BANK1: variants seen among roughly 807,000 people sequenced by gnomAD.
BANK1 encodes the protein B cell scaffold protein with ankyrin repeats 1, also known as B-cell scaffold protein with ankyrin repeats.
A neutral mutation model predicts 94.5 loss-of-function variants in BANK1; 95 were observed. The observed-to-expected ratio is 1.00, with a 90% CI of 0.85 to 1.19. The LOEUF (loss-of-function observed/expected upper bound fraction) is 1.19, where lower values mean the gene tolerates loss of function less well. Among genes scored for constraint, BANK1 ranks in the 50% most tolerant of loss-of-function variants. BANK1 has a pLI of 0.00. For synonymous variants in BANK1, 334 were observed against 308.4 expected (o/e 1.08, Z -0.87); for missense variants, 987 against 932.2 (o/e 1.06, Z -0.77).
chr4:101,945,053 G>C (rs1483628581), intron 7 of BANK1, among the ~76,000 whole-genome samples: 1 of 152,008 alleles, frequency 6.6e-6, no homozygotes, highest in Non-Finnish European at 1.5e-5. Context: ...GTTTACCCAA[G>C]TGCTTATAAG....
chr4:102,019,798 C>T (rs1294079294), intron 7 of BANK1, among the ~76,000 whole-genome samples: 3 of 150,744 alleles, frequency 2.0e-5, no homozygotes, highest in Admixed American at 6.6e-5. Context: ...AATATTTCTA[C>T]AGAGCATTTT....
intron 2 of BANK1, among the ~76,000 whole-genome samples, chr4:101,843,399 T>C (rs989386610): frequency 1.7e-4 from 26 of 152,356 alleles, no homozygotes; most frequent in African/African-American, 5.8e-4. Context: ...TCAGGCACTT[T>C]CTTCATATTA....
At chr4:102,038,253 C>A (rs1468497534) in intron 10 of BANK1, among the ~76,000 whole-genome samples, 5 of 152,130 alleles carry the variant, frequency 3.3e-5, no homozygotes, top group Admixed American at 3.3e-4. Context: ...CTTCTTGGGA[C>A]AGCAACATTT....
chr4:101,892,171 A>G (rs1578381885), intron 5 of BANK1, among the ~76,000 whole-genome samples: 1 of 150,914 alleles, frequency 6.6e-6, no homozygotes, highest in Non-Finnish European at 1.5e-5. Flanking sequence ...AATTCTGAAT[A>G]TTATTTAAAA....
intron 1 of BANK1, among the ~76,000 whole-genome samples, chr4:101,803,939 A>C (rs942990461): frequency 7.8e-6 from 1 of 128,344 alleles, no homozygotes; most frequent in African/African-American, 2.9e-5. Flanking sequence ...CGGAGCTTGC[A>C]GTGAGCCGAG....
intron 7 of BANK1, among the ~76,000 whole-genome samples, chr4:101,978,709 G>T (rs1379669537): frequency 6.6e-6 from 1 of 151,844 alleles, no homozygotes. Context: ...AAGAATTGTG[G>T]CTTGACCACA....
chr4:102,012,846 G>C (rs1341957033), intron 7 of BANK1, among the ~76,000 whole-genome samples: 1 of 151,824 alleles, frequency 6.6e-6, no homozygotes, highest in Non-Finnish European at 1.5e-5. Flanking sequence ...AAAAAAAATT[G>C]CCTCTTAGTT....
intron 1 of BANK1, among the ~76,000 whole-genome samples, chr4:101,803,953 C>G (rs1316046701): frequency 2.3e-5 from 3 of 131,694 alleles, no homozygotes; most frequent in Non-Finnish European, 4.7e-5. Context: ...AGCCGAGATC[C>G]CGCCACTGCA....
intron 1 of BANK1, among the ~76,000 whole-genome samples, chr4:101,792,255 T>TCCCCCCCCCCCCCCCCC (rs771698917): frequency 3.9e-5 from 5 of 128,658 alleles, no homozygotes; most frequent in Admixed American, 8.1e-5. Context: ...TGCATTCCGC[T>TCCCCCCCCCCCCCCCCC]CCCCCCCCGC....
intron 7 of BANK1, among the ~76,000 whole-genome samples, chr4:101,920,109 A>G (rs1242338900): frequency 1.3e-5 from 2 of 151,948 alleles, no homozygotes; most frequent in African/African-American, 4.8e-5. Flanking sequence ...TGCTCAGCAA[A>G]CTATCGCAAG....
intron 7 of BANK1, among the ~76,000 whole-genome samples, chr4:101,927,831 T>C (rs1403864581): frequency 2.0e-5 from 3 of 151,610 alleles, no homozygotes; most frequent in African/African-American, 7.3e-5. Context: ...GCCTACTATG[T>C]TCCAAAGTTT....
chr4:102,012,833 CA>C (rs137973195), intron 7 of BANK1, among the ~76,000 whole-genome samples: 30 of 148,068 alleles, frequency 2.0e-4, no homozygotes, highest in African/African-American at 6.2e-4. Flanking sequence ...GAAGAAAGAA[CA>C]AAAAAAAAAT....
Position 101,960,984 on chromosome 4 carries a change from T to A in BANK1, c.1206+42795T>A, listed in dbSNP as rs141533865. Among the ~76,000 whole-genome samples the A allele has an allele frequency of 9.1e-4, 138 of 152,242 alleles. 1 individual carries two copies. The highest frequency in any genetic ancestry group is 3.2e-3 in the African/African-American group (131 of 41,536). On this transcript the variant is annotated intron_variant, in intron 7 of 16. Transcript: ENST00000322953. ...ACCAACTTACCTCCATCTTTCTGAC[T>A]TGAGAAGCAAGAGAAAAGGAGTTAA...
chr4:102,038,495 C>T (rs1405905658), intron 10 of BANK1, among the ~76,000 whole-genome samples: 1 of 152,112 alleles, frequency 6.6e-6, no homozygotes, highest in Non-Finnish European at 1.5e-5. Flanking sequence ...AATGAAGTCT[C>T]ATGGGAGGAG....
Position 101,897,324 on chromosome 4 carries a change from A to G in BANK1, c.1009+1914A>G, listed in dbSNP as rs77958008. ...TAGATTTCTGGAATCAAAATTGTGGAGATGGAGAAGATGGCATGGTTTTGG... is the reference window on the plus strand; with the variant it reads ...TAGATTTCTGGAATCAAAATTGTGGGGATGGAGAAGATGGCATGGTTTTGG... On this transcript the variant is annotated intron_variant, in intron 6 of 16. Coordinates refer to ENST00000322953, the MANE Select transcript of BANK1 (RefSeq NM_017935.5). Among the ~76,000 whole-genome samples, 872 of 152,080 alleles carry G rather than the reference A, an allele frequency of 5.7e-3. 14 individuals carry two copies. The East Asian group carries it at 0.058, about 10-fold the overall frequency.
At chr4:101,858,349 T>C (rs747772203) in intron 3 of BANK1, among the ~76,000 whole-genome samples, 1 of 152,180 alleles carries the variant, frequency 6.6e-6, no homozygotes, top group African/African-American at 2.4e-5. Context: ...ACACATTTGG[T>C]CCAAAAATAT....
chr4:102,066,419 G>T (rs141757327), intron 13 of BANK1, among the ~76,000 whole-genome samples: 5,612 of 152,036 alleles, frequency 0.037, 360 homozygotes, highest in African/African-American at 0.13. Context: ...ACTACGCCCG[G>T]CTAATTTTTT....
At chr4:102,012,394 A>G (rs868300192) in intron 7 of BANK1, among the ~76,000 whole-genome samples, 2 of 27,394 alleles carry the variant, frequency 7.3e-5, no homozygotes, top group Middle Eastern at 0.018. Context: ...ACTTTGGTCA[A>G]TAAAAAATAA....
At chr4:101,842,934 A>C (rs1426650432) in intron 2 of BANK1, among the ~76,000 whole-genome samples, 1 of 152,192 alleles carries the variant, frequency 6.6e-6, no homozygotes, top group Admixed American at 6.5e-5. Flanking sequence ...TACACGTATA[A>C]ACTTGCAATT....
Sources: allele counts gnomAD v4.1 joint callset (sites outside exome capture counted in the v4.1 genomes callset), GRCh38; gene constraint gnomAD v4.1.1; transcripts MANE v1.5; gene names NCBI Gene and HGNC (gene_info 2026-07-23, HGNC 2026-07-21).